The following SLC25A13 variants were observed in gnomAD, a reference collection of about 807,000 sequenced individuals.
The protein encoded by SLC25A13 is solute carrier family 25 member 13, also known as electrogenic aspartate/glutamate antiporter SLC25A13, mitochondrial.
In SLC25A13, 70 loss-of-function variants were observed where a neutral mutation model predicts 85.5. That is an observed-to-expected ratio of 0.82 (90% confidence interval 0.68 to 1.00). SLC25A13 has a LOEUF of 1.00. Among genes scored for constraint, SLC25A13 ranks in the 50% least tolerant of loss-of-function variants. The pLI, the probability that SLC25A13 is intolerant of heterozygous loss-of-function variation, is 0.00. For synonymous variants in SLC25A13, 259 were observed against 288.7 expected (o/e 0.90, Z 1.04); for missense variants, 765 against 819.8 (o/e 0.93, Z 0.82).
intron 5 of SLC25A13, among the ~76,000 whole-genome samples, chr7:96,197,149 C>A (rs1051615828): frequency 2.6e-5 from 4 of 152,130 alleles, no homozygotes; most frequent in Admixed American, 6.6e-5. Flanking sequence ...GCATGGGGAA[C>A]CTCAGACAAA....
intron 3 of SLC25A13, among the ~76,000 whole-genome samples, chr7:96,254,854 T>C (rs1376983934): frequency 1.3e-5 from 2 of 151,392 alleles, no homozygotes; most frequent in African/African-American, 4.9e-5. Context: ...GAAGGAAGAG[T>C]CAGGGTGAAA....
chr7:96,292,024 T>C (rs1374951542), intron 2 of SLC25A13, among the ~76,000 whole-genome samples: 2 of 152,018 alleles, frequency 1.3e-5, no homozygotes, highest in Non-Finnish European at 2.9e-5. Context: ...GATGCAAAAA[T>C]CCTCAATAAA....
chr7:96,143,345 A>G (rs897122240), intron 14 of SLC25A13, among the ~76,000 whole-genome samples: 11 of 152,198 alleles, frequency 7.2e-5, no homozygotes, highest in Non-Finnish European at 1.6e-4. Context: ...AGTTTATTTG[A>G]CTTTTATTTT....
chr7:96,145,854 T>C (rs1792762403), intron 14 of SLC25A13, among the ~76,000 whole-genome samples: 2 of 152,308 alleles, frequency 1.3e-5, no homozygotes, highest in South Asian at 2.1e-4. Context: ...TGTAAATAAA[T>C]GAAACTATCT....
intron 9 of SLC25A13, among the ~76,000 whole-genome samples, chr7:96,188,213 T>G (rs190970945): frequency 6.6e-6 from 1 of 152,162 alleles, no homozygotes; most frequent in South Asian, 2.1e-4. Context: ...CCTCTACACG[T>G]GATTATAGTT....
intron 4 of SLC25A13, among the ~76,000 whole-genome samples, chr7:96,222,785 C>T (rs1269005212): frequency 6.6e-6 from 1 of 152,150 alleles, no homozygotes; most frequent in Non-Finnish European, 1.5e-5. Context: ...TCTACATTTA[C>T]TTCAGTTACA....
intron 14 of SLC25A13, among the ~76,000 whole-genome samples, chr7:96,133,961 CAT>C (rs1792150889): frequency 6.6e-6 from 1 of 150,464 alleles, no homozygotes; most frequent in Non-Finnish European, 1.5e-5. Flanking sequence ...AATTAAAAAA[CAT>C]TATTTCTTGG....
intron 4 of SLC25A13, among the ~76,000 whole-genome samples, chr7:96,216,026 G>A (rs1021281884): frequency 3.3e-5 from 5 of 151,746 alleles, no homozygotes; most frequent in Non-Finnish European, 7.4e-5. Context: ...ATGGTGGCAC[G>A]TGCCTGTAAT....
At chr7:96,239,869 C>T (rs1796902554) in intron 3 of SLC25A13, among the ~76,000 whole-genome samples, 1 of 152,178 alleles carries the variant, frequency 6.6e-6, no homozygotes, top group Admixed American at 6.5e-5. Flanking sequence ...TTTGTAACTC[C>T]TTTATAGTCC....
chr7:96,146,714 G>T lies in SLC25A13; in HGVS notation c.1312-18C>A. 1 of 1,613,902 alleles carries T rather than the reference G, an allele frequency of 6.2e-7. No individual in the cohort carries two copies. The highest frequency in any genetic ancestry group is 8.5e-7 in the Non-Finnish European group (1 of 1,179,880). ...CCTCCAGCCTAAAAAGAACAAAAAA[G>T]ATTTAGGATCAAAGCAAAGAAATGG... On this transcript the variant is annotated intron_variant, in intron 13 of 17. Transcript: ENST00000265631.
intron 15 of SLC25A13, among the ~76,000 whole-genome samples, chr7:96,124,672 A>G (rs1162075458): frequency 6.6e-6 from 1 of 152,146 alleles, no homozygotes; most frequent in African/African-American, 2.4e-5. Flanking sequence ...ACTTCATATG[A>G]CTAGATTTTC....
chr7:96,263,175 C>A (rs1797922789), intron 3 of SLC25A13, among the ~76,000 whole-genome samples: 1 of 152,070 alleles, frequency 6.6e-6, no homozygotes, highest in African/African-American at 2.4e-5. Flanking sequence ...CTGGAGTCTA[C>A]CAGGACTAAC....
rs1014265735 is a variant in SLC25A13, at chr7:96,120,657, A to T, written c.*534T>A. 6.6e-6 allele frequency: 3 copies of T among 454,442 alleles called. No homozygotes were observed. Among genetic ancestry groups the T allele is most frequent in the Non-Finnish European group, 1.3e-5 (3 of 226,800 alleles). The allele number at this position is 454,442 out of a possible 1,614,324, so 28.2% of individuals were successfully genotyped here. On this transcript the variant is annotated 3_prime_UTR_variant, in exon 18 of 18. Transcript: ENST00000265631. ...TTCATTACAAAGAAACATGTTTCACATAAAAGCTTCATAATATAATCCAGA... is the reference window on the plus strand; with the variant it reads ...TTCATTACAAAGAAACATGTTTCACTTAAAAGCTTCATAATATAATCCAGA...
chr7:96,238,485 G>A (rs1224606241), intron 3 of SLC25A13, among the ~76,000 whole-genome samples: 1 of 152,062 alleles, frequency 6.6e-6, no homozygotes. Context: ...TGGAAACACA[G>A]ATCTGGCAGT....
chr7:96,197,414 C>A (rs944698483), intron 5 of SLC25A13, among the ~76,000 whole-genome samples: 2 of 152,130 alleles, frequency 1.3e-5, no homozygotes, highest in Non-Finnish European at 2.9e-5. Context: ...CTTCTCCTGG[C>A]CTCACTCCCT....
At chr7:96,165,277 T>C (rs972289286) in intron 13 of SLC25A13, among the ~76,000 whole-genome samples, 1 of 152,140 alleles carries the variant, frequency 6.6e-6, no homozygotes, top group African/African-American at 2.4e-5. Flanking sequence ...GGCAGGCTGA[T>C]AGGTAGATAG....
At chr7:96,202,396 G>A (rs1267641714) in intron 5 of SLC25A13, among the ~76,000 whole-genome samples, 1 of 152,132 alleles carries the variant, frequency 6.6e-6, no homozygotes, top group Non-Finnish European at 1.5e-5. Context: ...TCTCTGTTGG[G>A]TCAGGTGACC....
chr7:96,253,417 A>G (rs1285075364), intron 3 of SLC25A13, among the ~76,000 whole-genome samples: 2 of 152,198 alleles, frequency 1.3e-5, no homozygotes, highest in Admixed American at 1.3e-4. Flanking sequence ...CAACACAAGC[A>G]TTCACCGAGC....
At chr7:96,211,810 A>G (rs549404878) in intron 4 of SLC25A13, among the ~76,000 whole-genome samples, 1 of 152,314 alleles carries the variant, frequency 6.6e-6, no homozygotes, top group South Asian at 2.1e-4. Flanking sequence ...TGCACTGCAT[A>G]CAAATCATCA....
Sources: allele counts gnomAD v4.1 joint callset (sites outside exome capture counted in the v4.1 genomes callset), GRCh38; gene constraint gnomAD v4.1.1; transcripts MANE v1.5; gene names NCBI Gene and HGNC (gene_info 2026-07-23, HGNC 2026-07-21).